Variants in STXBP6 observed in about 807,000 individuals in gnomAD.
The protein encoded by STXBP6 is syntaxin binding protein 6, also known as syntaxin-binding protein 6.
In STXBP6, 21 loss-of-function variants were observed where a neutral mutation model predicts 26.9. That is an observed-to-expected ratio of 0.78 (90% CI 0.55 to 1.12). The LOEUF (loss-of-function observed/expected upper bound fraction) is 1.12, where lower values mean the gene tolerates loss of function less well. Ranked by LOEUF, STXBP6 falls within the 50% of genes most tolerant of loss-of-function variation. The probability of loss-of-function intolerance (pLI) is 0.00; values close to 1 mark genes in which losing one functional copy is unlikely to be tolerated. For synonymous variants in STXBP6, 97 were observed against 92.6 expected (o/e 1.05, Z -0.27); for missense variants, 232 against 257.9 (o/e 0.90, Z 0.69).
rs11404782 is a variant in STXBP6, at chr14:24,812,086, A to AT, written c.*622dup. The AT allele has an allele frequency of 0.47, 69,239 of 146,284 alleles. 17,305 individuals are homozygous for AT. Among genetic ancestry groups the AT allele is most frequent in the African/African-American group, 0.67 (26,864 of 39,918 alleles). 9.1% of individuals were successfully genotyped at this position (146,284 alleles called of 1,614,324 possible). Reference sequence around the variant, plus strand: ...AAAGAGATTTCTATCTGCGATTCTGATTTTTTTTTTTTTTTGAACGCTGGT... The same window carrying AT: ...AAAGAGATTTCTATCTGCGATTCTGATTTTTTTTTTTTTTTTGAACGCTGGT... On this transcript the variant is annotated 3_prime_UTR_variant, in exon 6 of 6. Coordinates refer to ENST00000323944, the MANE Select transcript of STXBP6 (RefSeq NM_001394410.1).
At chr14:24,905,259 A>G (rs2071348740) in intron 2 of STXBP6, among the ~76,000 whole-genome samples, 1 of 152,196 alleles carries the variant, frequency 6.6e-6, no homozygotes, top group Non-Finnish European at 1.5e-5. Context: ...TTCAAATCTC[A>G]GGATGGCCTT....
At chr14:24,944,689 A>G (rs1210301245) in intron 2 of STXBP6, among the ~76,000 whole-genome samples, 2 of 152,144 alleles carry the variant, frequency 1.3e-5, no homozygotes, top group African/African-American at 2.4e-5. Flanking sequence ...ACACTAGACT[A>G]TGAAGACTTA....
At chr14:25,005,734 T>G (rs1390118974) in intron 1 of STXBP6, among the ~76,000 whole-genome samples, 1 of 149,842 alleles carries the variant, frequency 6.7e-6, no homozygotes, top group East Asian at 2.0e-4. Context: ...TTGGAAGTGA[T>G]GAAAAAATAA....
chr14:24,950,146 C>A (rs2073114031), intron 2 of STXBP6, among the ~76,000 whole-genome samples: 1 of 152,120 alleles, frequency 6.6e-6, no homozygotes, highest in South Asian at 2.1e-4. Flanking sequence ...TACAAATATT[C>A]ATTCAATAAC....
At chr14:25,000,631 T>G (rs1279042480) in intron 1 of STXBP6, among the ~76,000 whole-genome samples, 2 of 150,316 alleles carry the variant, frequency 1.3e-5, no homozygotes, top group African/African-American at 4.9e-5. Flanking sequence ...TAACTCTAAC[T>G]TCCCCTCTGC....
intron 1 of STXBP6, among the ~76,000 whole-genome samples, chr14:25,047,242 G>T (rs2075741427): frequency 6.6e-6 from 1 of 152,148 alleles, no homozygotes; most frequent in Non-Finnish European, 1.5e-5. Flanking sequence ...CTACCCAAGG[G>T]TGATCTAAAA....
In STXBP6 at chr14:24,856,051, T is replaced by G. The variant is rs1314448456; in HGVS notation, c.336A>C (p.Val112=). The G allele has an allele frequency of 4.3e-6, 7 of 1,610,248 alleles. No individual in the cohort carries two copies. In the Admixed American group the frequency reaches 1.0e-4, roughly 23 times the overall value. Residue 112 remains valine (V), a synonymous_variant, in exon 4 of 6, where the codon GTA becomes GTC. Transcript: ENST00000323944. ...TGCATTTTTCTGACGCTGTGCTGGC[T>G]ACCCACTGGTCAAAAGCATTTTCAA... ...LLFENAFDQW[V]ASTASEKCTF... is the part of the protein sequence containing the mutation.
rs139809980 is a variant in STXBP6, at chr14:24,974,841, C to T, written c.-23G>A. 37 of 1,539,874 alleles carry T rather than the reference C, an allele frequency of 2.4e-5. No homozygotes were observed. The highest frequency in any genetic ancestry group is 1.4e-4 in the African/African-American group (10 of 72,992). ...CATTGTAGAACAAGTGAGGACAGCACGCAGTGAATCTTTTAAAGAAGGAAA... is the reference window on the plus strand; with the variant it reads ...CATTGTAGAACAAGTGAGGACAGCATGCAGTGAATCTTTTAAAGAAGGAAA... On this transcript the variant is annotated 5_prime_UTR_variant, in exon 2 of 6. It adds an upstream start codon to the 5' untranslated region. Transcript: ENST00000323944.
At chr14:24,997,816 T>G (rs1404666240) in intron 1 of STXBP6, among the ~76,000 whole-genome samples, 1 of 152,136 alleles carries the variant, frequency 6.6e-6, no homozygotes, top group Non-Finnish European at 1.5e-5. Flanking sequence ...AATGGAACAT[T>G]ATTAAGTACA....
chr14:24,912,441 C>CAAAAAA (rs373713561), intron 2 of STXBP6, among the ~76,000 whole-genome samples: 2 of 101,066 alleles, frequency 2.0e-5, no homozygotes. Context: ...AAGTGAATGC[C>CAAAAAA]AAAAAAAAAA....
chr14:24,960,068 C>T (rs1035815466), intron 2 of STXBP6, among the ~76,000 whole-genome samples: 8 of 152,214 alleles, frequency 5.3e-5, no homozygotes, highest in Admixed American at 3.3e-4. Flanking sequence ...TCATTTGCAG[C>T]TGCTAAGTGC....
At chr14:24,990,345 T>C (rs2074434556) in intron 1 of STXBP6, among the ~76,000 whole-genome samples, 2 of 152,110 alleles carry the variant, frequency 1.3e-5, no homozygotes, top group African/African-American at 4.8e-5. Context: ...TCAATCCAGC[T>C]ACAATATGAC....
At chr14:25,031,904 C>T (rs776183084) in intron 1 of STXBP6, among the ~76,000 whole-genome samples, 67 of 152,094 alleles carry the variant, frequency 4.4e-4, no homozygotes, top group Non-Finnish European at 8.1e-4. Flanking sequence ...ACTCTTGGAC[C>T]CCAACGAAGA....
chr14:24,842,472 A>C lies in STXBP6; in HGVS notation c.451+13464T>G, dbSNP rs943276419. 5.3e-5 allele frequency among the ~76,000 whole-genome samples: 8 copies of C among 152,334 alleles called. 2 individuals carry two copies. The highest frequency in any genetic ancestry group is 3.9e-4 in the Admixed American group (6 of 15,304). On this transcript the variant is annotated intron_variant, in intron 4 of 5. Transcript: ENST00000323944. ...ATATACTTATGTTTTCTTTTTCCTG[A>C]AAATGGCTATTTCTTTTTAATTTCC...
chr14:24,884,094 G>A (rs571199419), intron 2 of STXBP6, among the ~76,000 whole-genome samples: 3 of 151,914 alleles, frequency 2.0e-5, no homozygotes, highest in East Asian at 3.9e-4. Context: ...AAAAAAAGGT[G>A]GGGGGGCACA....
chr14:25,011,509 G>A (rs534023283), intron 1 of STXBP6, among the ~76,000 whole-genome samples: 1 of 152,302 alleles, frequency 6.6e-6, no homozygotes, highest in East Asian at 1.9e-4. Context: ...CATTAGCCAA[G>A]AGAAGCTAAG....
chr14:24,842,663 C>CT (rs145788222), intron 4 of STXBP6, among the ~76,000 whole-genome samples: 6,743 of 148,464 alleles, frequency 0.045, 488 homozygotes, highest in African/African-American at 0.16. Flanking sequence ...TTACTTTTCT[C>CT]TTTTTTTTTT....
chr14:24,960,679 T>G (rs558456886), intron 2 of STXBP6, among the ~76,000 whole-genome samples: 1 of 152,210 alleles, frequency 6.6e-6, no homozygotes, highest in Non-Finnish European at 1.5e-5. Context: ...GGAATAGGTC[T>G]GCACATTTGG....
At chr14:24,956,714 A>G (rs1371423952) in intron 2 of STXBP6, among the ~76,000 whole-genome samples, 1 of 134,992 alleles carries the variant, frequency 7.4e-6, no homozygotes, top group East Asian at 2.0e-4. Context: ...CACACTAAGT[A>G]ATGAGACAGG....
Sources: allele counts gnomAD v4.1 joint callset (sites outside exome capture counted in the v4.1 genomes callset), GRCh38; gene constraint gnomAD v4.1.1; transcripts MANE v1.5; gene names NCBI Gene and HGNC (gene_info 2026-07-23, HGNC 2026-07-21).